The following PDE1C variants were observed in gnomAD, a reference collection of about 807,000 sequenced individuals.
The protein encoded by PDE1C is phosphodiesterase 1C.
In PDE1C, 62 loss-of-function variants were observed where a neutral mutation model predicts 93.1. The observed-to-expected ratio is 0.67, with a 90% CI of 0.54 to 0.82. The LOEUF (loss-of-function observed/expected upper bound fraction) is 0.82. Ranked by LOEUF, PDE1C falls within the 40% of genes least tolerant of loss-of-function variation. PDE1C has a pLI of 0.00. For missense variants in PDE1C, 742 were observed against 884.6 expected (o/e 0.84, Z 2.04); for synonymous variants, 325 against 310.1 (o/e 1.05, Z -0.50).
At chr7:32,062,716 T>G (rs2128712959) in intron 1 of PDE1C, among the ~76,000 whole-genome samples, 1 of 152,326 alleles carries the variant, frequency 6.6e-6, no homozygotes, top group African/African-American at 2.4e-5. Flanking sequence ...ATTCCTCTAC[T>G]GTAGGCTGAA....
chr7:31,834,660 T>C (rs945339288), intron 11 of PDE1C, among the ~76,000 whole-genome samples: 1 of 152,018 alleles, frequency 6.6e-6, no homozygotes, highest in Non-Finnish European at 1.5e-5. Flanking sequence ...CCAATGCCTG[T>C]ACCCCCATTG....
Position 32,070,379 on chromosome 7 carries a change from G to A in PDE1C, c.15C>T (p.Thr5=), listed in dbSNP as rs777884760. 6.2e-7 allele frequency: 1 copy of A among 1,614,176 alleles called. No individual in the cohort carries two copies. The highest frequency in any genetic ancestry group is 1.7e-5 in the Admixed American group (1 of 60,022). Residue 5 remains threonine (T), a synonymous_variant, in exon 1 of 18, where the codon ACC becomes ACT. Transcript: ENST00000396191. MESP[T]KEIEEFESNS... ...TGCTCTCAAATTCTTCAATCTCCTTGGTTGGCGACTCCATAGCTGCAGGTA... is the reference window on the plus strand; with the variant it reads ...TGCTCTCAAATTCTTCAATCTCCTTAGTTGGCGACTCCATAGCTGCAGGTA...
chr7:32,029,340 C>T (rs1481159590), intron 2 of PDE1C, among the ~76,000 whole-genome samples: 1 of 152,110 alleles, frequency 6.6e-6, no homozygotes, highest in Non-Finnish European at 1.5e-5. Context: ...ATCCTACTTC[C>T]TAGTATTTAT....
intron 2 of PDE1C, among the ~76,000 whole-genome samples, chr7:32,016,999 G>C (rs1787998298): frequency 6.6e-6 from 1 of 152,132 alleles, no homozygotes; most frequent in Non-Finnish European, 1.5e-5. Context: ...CCTTTGCCAA[G>C]TTAATCTTTC....
the PDE1C span, among the ~76,000 whole-genome samples, chr7:31,679,313 A>C: frequency 6.6e-6 from 1 of 152,204 alleles, no homozygotes; most frequent in African/African-American, 2.4e-5. Flanking sequence ...TTATGAGTAT[A>C]GTAATATGAG....
chr7:32,209,617 C>T, intron 1 of PDE1C: 2 of 1,202,556 alleles, frequency 1.7e-6, no homozygotes, highest in Middle Eastern at 2.0e-4. Flanking sequence ...CAGCCAATCC[C>T]CTGGATGCTT....
chr7:32,205,386 T>C (rs1805357084), intron 2 of PDE1C, among the ~76,000 whole-genome samples: 1 of 152,238 alleles, frequency 6.6e-6, no homozygotes, highest in African/African-American at 2.4e-5. Flanking sequence ...GGAGAACCTT[T>C]CTATCTAGCT....
rs984710545 is a variant in PDE1C, at chr7:32,251,440, C to T, written c.86-41901G>A. On this transcript the variant is annotated intron_variant, in intron 1 of 18. Transcript: ENST00000396193. ...TCGTCATCCTTCACTCCTTTTCCCT[C>T]GCCTTCCAAATCAATTCCATTACCA... Among the ~76,000 whole-genome samples the T allele has an allele frequency of 9.2e-5, 14 of 152,306 alleles. No individual in the cohort carries two copies. The East Asian group carries it at 1.2e-3, about 13-fold the overall frequency.
upstream of PDE1C, chr7:32,071,132 G>A: frequency 2.0e-6 from 2 of 985,552 alleles, no homozygotes; most frequent in Non-Finnish European, 2.4e-6. Flanking sequence ...ACCCCGGCCG[G>A]GCACACTCAC....
chr7:31,732,365 G>A, the PDE1C span, among the ~76,000 whole-genome samples: 3 of 152,106 alleles, frequency 2.0e-5, no homozygotes, highest in East Asian at 1.9e-4. Flanking sequence ...AGGTGTTGCC[G>A]TGAAGATTTT....
intron 3 of PDE1C, among the ~76,000 whole-genome samples, chr7:32,111,569 G>T (rs941302727): frequency 7.2e-5 from 11 of 152,132 alleles, no homozygotes; most frequent in Non-Finnish European, 1.6e-4. Flanking sequence ...GAGCCACAGA[G>T]GTGTTGGGAG....
chr7:32,247,722 G>A lies in PDE1C; in HGVS notation c.86-38183C>T, dbSNP rs1279388949. On this transcript the variant is annotated intron_variant, in intron 1 of 18. Coordinates refer to the PDE1C transcript ENST00000396193. ...ACACTGTTTTATAAAATAGGCTTCGGTTTAGATGATTTTGCCCAACTATAT... is the reference window on the plus strand; with the variant it reads ...ACACTGTTTTATAAAATAGGCTTCGATTTAGATGATTTTGCCCAACTATAT... Among the ~76,000 whole-genome samples the A allele has an allele frequency of 2.0e-5, 3 of 152,152 alleles. No homozygotes were observed. The East Asian group carries it at 5.8e-4, about 29-fold the overall frequency.
chr7:31,712,818 G>T, the PDE1C span, among the ~76,000 whole-genome samples: 6 of 152,286 alleles, frequency 3.9e-5, no homozygotes, highest in South Asian at 1.2e-3. Context: ...GAGAGTTTGT[G>T]CAGGGGAACT....
chr7:32,403,956 C>A (rs934699997), intron 1 of PDE1C, among the ~76,000 whole-genome samples: 4 of 151,994 alleles, frequency 2.6e-5, no homozygotes, highest in African/African-American at 9.7e-5. Flanking sequence ...AATAATAATT[C>A]AAAAATAACC....
At chr7:31,894,600 G>A (rs1317713270) in intron 2 of PDE1C, among the ~76,000 whole-genome samples, 2 of 152,094 alleles carry the variant, frequency 1.3e-5, no homozygotes, top group East Asian at 3.9e-4. Flanking sequence ...TTCTCTCTCA[G>A]CCCCCACATT....
intron 2 of PDE1C, among the ~76,000 whole-genome samples, chr7:31,942,474 A>G (rs1805985954): frequency 6.6e-6 from 1 of 152,144 alleles, no homozygotes. Context: ...TTGAATTCCC[A>G]GAAGAAATAT....
At position 31,920,507 on chromosome 7, in the gene PDE1C, A is replaced by G. The variant is rs1196799894; in HGVS notation, c.129-39647T>C. ...TCTCCTGAGATAGTAAAAGACAGAA[A>G]AAGCCAAAGGAGACTGATCTCAGGG... On this transcript the variant is annotated intron_variant, in intron 2 of 17. Coordinates refer to ENST00000396191, the MANE Select transcript of PDE1C (RefSeq NM_001191057.4). 2.0e-5 allele frequency among the ~76,000 whole-genome samples: 3 copies of G among 152,182 alleles called. No homozygotes were observed. In the East Asian group the frequency reaches 5.8e-4, roughly 29 times the overall value.
chr7:32,261,027 T>C (rs1810158280), intron 1 of PDE1C, among the ~76,000 whole-genome samples: 1 of 152,098 alleles, frequency 6.6e-6, no homozygotes. Flanking sequence ...GGAGAATTGC[T>C]TGAACCTGGG....
the PDE1C span, among the ~76,000 whole-genome samples, chr7:31,623,497 C>G: frequency 1.3e-5 from 2 of 151,056 alleles, no homozygotes; most frequent in Non-Finnish European, 2.9e-5. Flanking sequence ...GAACCAAAGA[C>G]AAAAATGACA....
Sources: allele counts gnomAD v4.1 joint callset (sites outside exome capture counted in the v4.1 genomes callset), GRCh38; gene constraint gnomAD v4.1.1; transcripts MANE v1.5; gene names NCBI Gene and HGNC (gene_info 2026-07-23, HGNC 2026-07-21).